The following FOCAD variants were observed in gnomAD, a reference collection of about 807,000 sequenced individuals.
FOCAD encodes KIAA1797.
In FOCAD, 198 loss-of-function variants were observed where a neutral mutation model predicts 225.6. The observed-to-expected ratio is 0.88, with a 90% CI of 0.78 to 0.99. The LOEUF is 0.99. FOCAD is among the 50% of genes least tolerant of loss of function. The probability of loss-of-function intolerance (pLI) is 0.00; values close to 1 mark genes in which losing one functional copy is unlikely to be tolerated. For missense variants in FOCAD, 2,713 were observed against 2,123.6 expected, an observed-to-expected ratio of 1.28 and a Z score of -5.46; for synonymous variants, 897 against 755.0, an observed-to-expected ratio of 1.19 and a Z score of -3.08.
intron 10 of FOCAD, among the ~76,000 whole-genome samples, chr9:20,783,389 T>A (rs1212186424): frequency 6.6e-6 from 1 of 152,176 alleles, no homozygotes; most frequent in African/African-American, 2.4e-5. Context: ...GGCTTTTTTT[T>A]TTCCTGCACC....
chr9:20,900,811 T>A (rs1187503241), intron 21 of FOCAD, among the ~76,000 whole-genome samples: 1 of 151,946 alleles, frequency 6.6e-6, no homozygotes, highest in Non-Finnish European at 1.5e-5. Flanking sequence ...AATAAATGGT[T>A]GCTTGAGATG....
At chr9:20,979,004 A>G (rs1341609148) in intron 37 of FOCAD, among the ~76,000 whole-genome samples, 1 of 152,244 alleles carries the variant, frequency 6.6e-6, no homozygotes, top group East Asian at 1.9e-4. Flanking sequence ...TGAGAAAGCA[A>G]TGACCGAGTC....
chr9:20,852,337 G>T (rs897803628), intron 15 of FOCAD, among the ~76,000 whole-genome samples: 6 of 151,660 alleles, frequency 4.0e-5, no homozygotes, highest in Middle Eastern at 3.2e-3. Flanking sequence ...GGGACCACAG[G>T]CATGTTTGTT....
At chr9:20,797,932 A>G (rs1821316359) in intron 11 of FOCAD, among the ~76,000 whole-genome samples, 1 of 152,236 alleles carries the variant, frequency 6.6e-6, no homozygotes, top group Admixed American at 6.5e-5. Context: ...GCCGGTTTTC[A>G]AAGGGAATGC....
At chr9:20,911,654 G>A (rs1483238121) in intron 22 of FOCAD, among the ~76,000 whole-genome samples, 2 of 152,120 alleles carry the variant, frequency 1.3e-5, no homozygotes, top group Non-Finnish European at 2.9e-5. Flanking sequence ...AATACCACAA[G>A]ATATTTGTTG....
At chr9:20,976,976 G>C (rs1424919267) in intron 36 of FOCAD, among the ~76,000 whole-genome samples, 1 of 152,146 alleles carries the variant, frequency 6.6e-6, no homozygotes, top group African/African-American at 2.4e-5. Flanking sequence ...CATGTCCATA[G>C]GCCAGAAGTC....
chr9:20,972,431 AT>A (rs1287105647), intron 35 of FOCAD, among the ~76,000 whole-genome samples: 1 of 151,818 alleles, frequency 6.6e-6, no homozygotes, highest in Non-Finnish European at 1.5e-5. Flanking sequence ...CTTGTTGGAC[AT>A]TTGTATATCA....
chr9:20,677,821 C>T (rs938340493), intron 2 of FOCAD, among the ~76,000 whole-genome samples: 8 of 152,164 alleles, frequency 5.3e-5, no homozygotes, highest in African/African-American at 1.9e-4. Flanking sequence ...ATACTGCAAT[C>T]CCACTTTTGA....
chr9:20,790,813 G>T (rs1464176267), intron 11 of FOCAD, among the ~76,000 whole-genome samples: 1 of 152,012 alleles, frequency 6.6e-6, no homozygotes, highest in South Asian at 2.1e-4. Context: ...AATGTATTTG[G>T]AATTCCTTTT....
At chr9:20,886,933 C>G (rs921298782) in intron 21 of FOCAD, among the ~76,000 whole-genome samples, 3 of 152,174 alleles carry the variant, frequency 2.0e-5, no homozygotes, top group African/African-American at 7.2e-5. Context: ...GTTAATGTGT[C>G]AAGGTCACAT....
chr9:20,978,547 A>ATAC, intron 37 of FOCAD, 93 bp downstream of exon 37: 1 of 825,098 alleles, frequency 1.2e-6, no homozygotes, highest in South Asian at 2.4e-5. Flanking sequence ...CAAAGTCAAG[A>ATAC]GGAGACAGAT....
chr9:20,713,517 CT>C (rs1443119617), intron 1 of FOCAD, among the ~76,000 whole-genome samples: 1 of 152,052 alleles, frequency 6.6e-6, no homozygotes, highest in Admixed American at 6.6e-5. Flanking sequence ...TTCTGCTTCA[CT>C]TTTTTTTAAT....
chr9:20,933,261 T>C (rs769498961), intron 28 of FOCAD, among the ~76,000 whole-genome samples, 158 bp downstream of exon 28: 1 of 152,194 alleles, frequency 6.6e-6, no homozygotes, highest in Non-Finnish European at 1.5e-5. Flanking sequence ...GTAAGTTCTT[T>C]AGTGGTGATT....
chr9:20,796,035 A>G lies in FOCAD; in HGVS notation c.1455+6427A>G, dbSNP rs79278338. On this transcript the variant is annotated intron_variant, in intron 11 of 43. Transcript: ENST00000338382. ...TGTGTCCATGTGTTCTCATTGTTCAATTCCCACCTATGAGTGAGAACATGC... is the reference window on the plus strand; with the variant it reads ...TGTGTCCATGTGTTCTCATTGTTCAGTTCCCACCTATGAGTGAGAACATGC... Among the ~76,000 whole-genome samples the G allele has an allele frequency of 3.2e-3, 477 of 150,908 alleles. 1 individual carries two copies. Among genetic ancestry groups the G allele is most frequent in the Middle Eastern group, 0.017 (5 of 294 alleles).
At chr9:20,993,482 G>A (rs1410961265) in intron 43 of FOCAD, among the ~76,000 whole-genome samples, 154 bp downstream of exon 43, 1 of 152,022 alleles carries the variant, frequency 6.6e-6, no homozygotes, top group Non-Finnish European at 1.5e-5. Flanking sequence ...TTTGGATTTG[G>A]GTATATTTGA....
intron 15 of FOCAD, among the ~76,000 whole-genome samples, chr9:20,848,312 A>G (rs1827320047): frequency 1.3e-5 from 2 of 152,066 alleles, no homozygotes; most frequent in African/African-American, 2.4e-5. Flanking sequence ...TGGTCTCTCT[A>G]AGCATGCATT....
At chr9:20,789,918 A>T (rs1283515350) in intron 11 of FOCAD, among the ~76,000 whole-genome samples, 1 of 152,158 alleles carries the variant, frequency 6.6e-6, no homozygotes, top group Non-Finnish European at 1.5e-5. Flanking sequence ...TAACTCTTGG[A>T]ACCTATTCCA....
intron 20 of FOCAD, among the ~76,000 whole-genome samples, chr9:20,882,753 G>A (rs986227230): frequency 4.6e-5 from 7 of 152,196 alleles, no homozygotes; most frequent in African/African-American, 1.7e-4. Context: ...GAACTTGAGT[G>A]ACCTTGAGCA....
chr9:20,828,880 A>T (rs554597831), intron 15 of FOCAD, among the ~76,000 whole-genome samples: 1 of 152,260 alleles, frequency 6.6e-6, no homozygotes, highest in South Asian at 2.1e-4. Context: ...AATTGAGAAC[A>T]TGCGGTATTT....
Sources: allele counts gnomAD v4.1 joint callset (sites outside exome capture counted in the v4.1 genomes callset), GRCh38; gene constraint gnomAD v4.1.1; transcripts MANE v1.5; gene names NCBI Gene and HGNC (gene_info 2026-07-23, HGNC 2026-07-21).